The following NBEAL1 variants were observed in gnomAD, a reference collection of about 807,000 sequenced individuals.
The protein encoded by NBEAL1 is neurobeachin like 1.
NBEAL1 carries 273 observed loss-of-function variants against 351.3 expected under a neutral mutation model. The ratio of observed to expected loss-of-function variants is 0.78; its 90% CI spans 0.70 to 0.86. The LOEUF (loss-of-function observed/expected upper bound fraction) is 0.86, where lower values mean the gene tolerates loss of function less well. Among genes scored for constraint, NBEAL1 ranks in the 40% least tolerant of loss-of-function variants. The probability of loss-of-function intolerance (pLI) is 0.00; values close to 1 mark genes in which losing one functional copy is unlikely to be tolerated. For synonymous variants in NBEAL1, 1,050 were observed against 1,086.4 expected, an observed-to-expected ratio of 0.97 and a Z score of 0.66; for missense variants, 2,961 against 3,201.3, an observed-to-expected ratio of 0.92 and a Z score of 1.81.
chr2:203,193,152 A>T (rs2065143433), intron 46 of NBEAL1, among the ~76,000 whole-genome samples: 1 of 151,464 alleles, frequency 6.6e-6, no homozygotes, highest in East Asian at 1.9e-4. Context: ...TTGTATTTTT[A>T]GTAGATACAG....
chr2:203,138,784 C>A, intron 31 of NBEAL1, 36 bp downstream of exon 31: 1 of 1,583,096 alleles, frequency 6.3e-7, no homozygotes, highest in Non-Finnish European at 8.6e-7. Flanking sequence ...TCTGTGCTTG[C>A]ATGCAGCATA....
At position 203,151,562 on chromosome 2, in the gene NBEAL1, G is replaced by A. The variant is rs773249283; in HGVS notation, c.5560G>A (p.Glu1854Lys). 6.2e-7 allele frequency: 1 copy of A among 1,608,944 alleles called. No individual in the cohort carries two copies. Among genetic ancestry groups the A allele is most frequent in the Non-Finnish European group, 8.5e-7 (1 of 1,178,096 alleles). ...VPNYNFKTHE[E>K]ASALRDNLGI... ...GAATTATAATTTCAAAACCCATGAG[G>A]AAGCTAGTGCCTTGAGAGATAATCT... The change falls in exon 35 of 56, where the codon GAA becomes AAA. Residue 1854 changes from glutamate (E) to lysine (K), a missense_variant. Physicochemically the swap from Glu to Lys is moderately conservative, Grantham distance 56. Coordinates refer to ENST00000683969, the MANE Select transcript of NBEAL1 (RefSeq NM_001378026.1).
Position 203,081,161 on chromosome 2 carries a change from A to G in NBEAL1, c.685-2058A>G, listed in dbSNP as rs544932008. Among the ~76,000 whole-genome samples, 28 of 152,352 alleles carry G rather than the reference A, an allele frequency of 1.8e-4. No homozygotes were observed. The South Asian group carries it at 2.1e-3, about 11-fold the overall frequency. ...CATTAGTACAAGGGTGTTTAGAGGAATTGAATATATAAAAGCTAAAGAATG... is the reference window on the plus strand; with the variant it reads ...CATTAGTACAAGGGTGTTTAGAGGAGTTGAATATATAAAAGCTAAAGAATG... On this transcript the variant is annotated intron_variant, in intron 8 of 55. Coordinates refer to ENST00000683969, the MANE Select transcript of NBEAL1 (RefSeq NM_001378026.1).
At chr2:203,184,896 T>A (rs1162083013) in intron 44 of NBEAL1, among the ~76,000 whole-genome samples, 2 of 140,340 alleles carry the variant, frequency 1.4e-5, no homozygotes, top group African/African-American at 2.6e-5. Flanking sequence ...ACCCTGTATT[T>A]AAAAAAAAAA....
chr2:203,072,417 T>C (rs2061698466), intron 7 of NBEAL1, among the ~76,000 whole-genome samples: 1 of 152,066 alleles, frequency 6.6e-6, no homozygotes. Context: ...TTTGTTTTTT[T>C]TTTTTTAAAT....
chr2:203,187,889 T>C (rs1243604214), intron 44 of NBEAL1, among the ~76,000 whole-genome samples: 1 of 152,238 alleles, frequency 6.6e-6, no homozygotes, highest in Non-Finnish European at 1.5e-5. Context: ...TCATTCTTTC[T>C]TTCCTGTAAC....
chr2:203,164,923 G>A (rs1360692041), intron 36 of NBEAL1, among the ~76,000 whole-genome samples: 4 of 150,044 alleles, frequency 2.7e-5, no homozygotes, highest in East Asian at 2.0e-4. Flanking sequence ...GTACAGTGGC[G>A]TAATCTTGGC....
At chr2:203,122,077 C>G (rs937407134) in intron 18 of NBEAL1, among the ~76,000 whole-genome samples, 177 bp from the exon 19 acceptor site, 3 of 152,168 alleles carry the variant, frequency 2.0e-5, no homozygotes. Flanking sequence ...TGAGCCACCA[C>G]GCCCGGCCCT....
intron 4 of NBEAL1, among the ~76,000 whole-genome samples, chr2:203,055,683 G>A (rs1226206565): frequency 1.1e-4 from 16 of 151,886 alleles, no homozygotes; most frequent in African/African-American, 3.9e-4. Flanking sequence ...TAAGATATAT[G>A]TTTTACAAGA....
At position 203,083,458 on chromosome 2, in the gene NBEAL1, T is replaced by A; in HGVS notation, c.924T>A (p.Ala308=). 6.4e-7 allele frequency: 1 copy of A among 1,552,952 alleles called. No individual in the cohort carries two copies. The highest frequency in any genetic ancestry group is 1.2e-5 in the South Asian group (1 of 84,154). ...AATTGCTAAATTCAGATCATTCAGCTTTACCTAATCAAAGGAGGTCCAGAC... is the reference window on the plus strand; with the variant it reads ...AATTGCTAAATTCAGATCATTCAGCATTACCTAATCAAAGGAGGTCCAGAC... ...YFKLLNSDHS[A]LPNQRRSRQW... is the part of the protein sequence containing the mutation. Residue 308 remains alanine (A), a synonymous_variant, in exon 9 of 56, where the codon GCT becomes GCA. Coordinates refer to ENST00000683969, the MANE Select transcript of NBEAL1 (RefSeq NM_001378026.1).
intron 35 of NBEAL1, among the ~76,000 whole-genome samples, chr2:203,156,713 A>G (rs6725247): frequency 0.91 from 138,426 of 152,218 alleles, 63,446 homozygotes; most frequent in Non-Finnish European, 0.96. Flanking sequence ...CAACGGTATC[A>G]TTTGAGAAGT....
chr2:203,209,382 A>G lies in NBEAL1; in HGVS notation c.7785+60A>G. 5.7e-6 allele frequency: 7 copies of G among 1,223,062 alleles called. No homozygotes were observed. In the South Asian group the frequency reaches 5.9e-5, roughly 10 times the overall value. The allele number at this position is 1,223,062 out of a possible 1,614,324, so 75.8% of individuals were successfully genotyped here. A position where few individuals can be genotyped will look rare whatever the true frequency, so the allele number is the denominator to read the frequency against. On this transcript the variant is annotated intron_variant, in intron 53 of 55. Transcript: ENST00000683969. The stretch of plus-strand genomic sequence containing the variant: ...CAATAGCATATCTTTCCCTCCCCAC[A>G]TTATAGATGAGGTTTATTGAAGAAG...
rs199581297 is a variant in NBEAL1, at chr2:203,219,249, A to C, written c.*1895A>C. The C allele has an allele frequency of 2.0e-5, 3 of 152,124 alleles. No individual in the cohort carries two copies. The East Asian group carries it at 5.8e-4, about 29-fold the overall frequency. The allele number at this position is 152,124 out of a possible 1,614,324, so 9.4% of individuals were successfully genotyped here. A position where few individuals can be genotyped will look rare whatever the true frequency, so the allele number is the denominator to read the frequency against. On this transcript the variant is annotated 3_prime_UTR_variant, in exon 56 of 56. Coordinates refer to ENST00000683969, the MANE Select transcript of NBEAL1 (RefSeq NM_001378026.1). ...TTTTAGAAACTTTTTCTAAATCAAA[A>C]CCTACTAAGTTTTATTTTGTTATTT... is the stretch of plus-strand genomic sequence containing the variant.
intron 36 of NBEAL1, 113 bp from the exon 37 acceptor site, chr2:203,166,036 C>G: frequency 1.0e-6 from 1 of 990,804 alleles, no homozygotes; most frequent in Non-Finnish European, 1.4e-6. Context: ...GACAGCAAGA[C>G]CTTGTCTCAA....
intron 2 of NBEAL1, among the ~76,000 whole-genome samples, chr2:203,023,884 TAAG>T (rs1331589784): frequency 6.6e-6 from 1 of 152,194 alleles, no homozygotes; most frequent in Non-Finnish European, 1.5e-5. Context: ...CATTGTCATT[TAAG>T]AAGAAGACAG....
At chr2:203,023,365 A>ACTTTAC (rs2060798909) in intron 2 of NBEAL1, among the ~76,000 whole-genome samples, 2 of 152,234 alleles carry the variant, frequency 1.3e-5, no homozygotes, top group African/African-American at 4.8e-5. Context: ...ACAGCCTAGT[A>ACTTTAC]CTAGTAGTTA....
chr2:203,172,320 A>G (rs2064346465), intron 40 of NBEAL1, among the ~76,000 whole-genome samples: 1 of 152,162 alleles, frequency 6.6e-6, no homozygotes, highest in Non-Finnish European at 1.5e-5. Flanking sequence ...CAGGAGTTTG[A>G]GACGAGCCTA....
At chr2:203,193,057 C>T (rs2105786293) in intron 46 of NBEAL1, among the ~76,000 whole-genome samples, 1 of 141,700 alleles carries the variant, frequency 7.1e-6, no homozygotes, top group African/African-American at 2.6e-5. Flanking sequence ...CTGCAACTTC[C>T]ATCTTGTGGG....
At chr2:203,132,842 A>AGTAC (rs1205338437) in intron 26 of NBEAL1, among the ~76,000 whole-genome samples, 9 of 152,334 alleles carry the variant, frequency 5.9e-5, no homozygotes, top group African/African-American at 2.2e-4. Context: ...CAGTATGGAC[A>AGTAC]GTACGTTCAA....
Sources: gnomAD v4.1 joint callset for allele counts (sites outside exome capture counted in the v4.1 genomes callset) on GRCh38, gnomAD v4.1.1 for gene constraint, MANE v1.5 for transcripts, NCBI Gene and HGNC (gene_info 2026-07-23, HGNC 2026-07-21) for gene names.